Variants in STON1 observed in about 807,000 individuals in gnomAD.
The protein encoded by STON1 is stonin 1.
STON1 carries 79 observed loss-of-function variants against 60.9 expected under a neutral mutation model. The ratio of observed to expected loss-of-function variants is 1.30; its 90% confidence interval spans 1.08 to 1.56. The LOEUF is 1.56. Ranked by LOEUF, STON1 falls within the 40% of genes most tolerant of loss-of-function variation. STON1 has a pLI of 0.00. For missense variants in STON1, 1,166 were observed against 858.9 expected (o/e 1.36, Z -4.47); for synonymous variants, 363 against 306.9 (o/e 1.18, Z -1.91).
At chr2:48,541,699 CAAAA>C (rs71399061) in intron 1 of STON1, among the ~76,000 whole-genome samples, 706 of 60,732 alleles carry the variant, frequency 0.012, 4 homozygotes, top group African/African-American at 0.042. Context: ...AACTTCGTCT[CAAAA>C]AAAAAAAAAA....
At chr2:48,579,331 C>T (rs1371634299) in intron 1 of STON1, among the ~76,000 whole-genome samples, 5 of 148,470 alleles carry the variant, frequency 3.4e-5, no homozygotes, top group South Asian at 2.1e-4. Flanking sequence ...TTTTTTGAGA[C>T]GGAGTCTCAC....
Position 48,533,253 on chromosome 2 carries a change from G to A in STON1, c.-48+3037G>A, listed in dbSNP as rs556478128. 2.3e-4 allele frequency among the ~76,000 whole-genome samples: 35 copies of A among 152,108 alleles called. 1 individual carries two copies. The highest frequency in any genetic ancestry group is 3.7e-4 in the Non-Finnish European group (25 of 67,992). The stretch of plus-strand genomic sequence containing the variant: ...AAAAATTAGGTGGGCATGGTGGCGG[G>A]CACCTATAATCCCACCTACTCGGGA... On this transcript the variant is annotated intron_variant, in intron 1 of 3. Transcript: ENST00000404752.
At chr2:48,536,620 A>C (rs1572921245) in intron 1 of STON1, among the ~76,000 whole-genome samples, 1 of 151,020 alleles carries the variant, frequency 6.6e-6, no homozygotes, top group African/African-American at 2.4e-5. Flanking sequence ...ATTGTTAGCT[A>C]TTATTACTTT....
rs776710168 is a variant in STON1, at chr2:48,580,811, A to T, written c.178A>T (p.Thr60Ser). 5 of 1,548,114 alleles carry T rather than the reference A, an allele frequency of 3.2e-6. No homozygotes were observed. Among genetic ancestry groups the T allele is most frequent in the East Asian group, 2.3e-5 (1 of 43,124 alleles). ...FPSGSSSTSSTPLSSPIVDFY... is the reference protein window; with the variant it reads ...FPSGSSSTSSSPLSSPIVDFY... ...CAGTGGATCTTCCTCCACCAGCAGC[A>T]CTCCTCTCTCCTCCCCCATTGTAGA... Residue 60 changes from threonine to serine, a missense_variant, in exon 2 of 4, where the codon ACT becomes TCT. By Grantham distance (58) the Thr-to-Ser change is moderately conservative. Coordinates refer to ENST00000404752, the MANE Select transcript of STON1 (RefSeq NM_006873.4).
In STON1 at chr2:48,564,668, C is replaced by CTTCTTCTTCTTCTTTCTTAT. The variant is rs1349205310; in HGVS notation, c.-47-15905_-47-15904insTCTTATTTCTTCTTCTTCTT. Among the ~76,000 whole-genome samples, 339 of 136,488 alleles carry CTTCTTCTTCTTCTTTCTTAT rather than the reference C, an allele frequency of 2.5e-3. 22 individuals are homozygous for CTTCTTCTTCTTCTTTCTTAT. The highest frequency in any genetic ancestry group is 9.3e-3 in the African/African-American group (330 of 35,486). The allele number at this position is 136,488 out of a possible 152,430, so 89.5% of individuals were successfully genotyped here. On this transcript the variant is annotated intron_variant, in intron 1 of 3. Transcript: ENST00000404752. ...TCCTTCTTCTTCTTCTTTCTTATTT[C>CTTCTTCTTCTTCTTTCTTAT]TTCTTCTTCTTCTTCCTTCTTTCTT...
chr2:48,550,963 T>C (rs1672077859), intron 1 of STON1, among the ~76,000 whole-genome samples: 1 of 151,992 alleles, frequency 6.6e-6, no homozygotes, highest in African/African-American at 2.4e-5. Context: ...TCTTTTCTTT[T>C]TACTTAAAAA....
intron 3 of STON1, among the ~76,000 whole-genome samples, chr2:48,593,591 A>C (rs1220761832): frequency 1.3e-5 from 2 of 152,218 alleles, no homozygotes; most frequent in African/African-American, 4.8e-5. Context: ...CCTGTTACAC[A>C]GCCCTCAGGA....
At chr2:48,568,298 C>G (rs1297182232) in intron 1 of STON1, among the ~76,000 whole-genome samples, 2 of 152,332 alleles carry the variant, frequency 1.3e-5, no homozygotes, top group South Asian at 2.1e-4. Flanking sequence ...CAGATGCATA[C>G]TGAAGTGGGG....
chr2:48,579,110 T>C (rs1004594425), intron 1 of STON1, among the ~76,000 whole-genome samples: 2 of 152,002 alleles, frequency 1.3e-5, no homozygotes, highest in Non-Finnish European at 2.9e-5. Context: ...CTCAAGCGAT[T>C]TTCCTGCCTC....
At chr2:48,590,273 T>C (rs999291219) in intron 2 of STON1, among the ~76,000 whole-genome samples, 9 of 152,226 alleles carry the variant, frequency 5.9e-5, no homozygotes, top group African/African-American at 2.2e-4. Context: ...CTAATGAGCA[T>C]CTGTTGGTTA....
intron 2 of STON1, among the ~76,000 whole-genome samples, chr2:48,591,223 AAAAT>A (rs1249370391): frequency 1.7e-4 from 26 of 149,900 alleles, no homozygotes; most frequent in Non-Finnish European, 3.3e-4. Flanking sequence ...AATATTGCTT[AAAAT>A]AAATATTTAG....
chr2:48,544,183 T>G (rs1177518491), intron 1 of STON1, among the ~76,000 whole-genome samples: 1 of 146,490 alleles, frequency 6.8e-6, no homozygotes, highest in African/African-American at 2.4e-5. Flanking sequence ...TTCTCTGGAT[T>G]TTGTGTGTGT....
At chr2:48,576,902 A>T (rs1448801894) in intron 1 of STON1, among the ~76,000 whole-genome samples, 1 of 151,018 alleles carries the variant, frequency 6.6e-6, no homozygotes, top group African/African-American at 2.4e-5. Context: ...AAAATACAAA[A>T]AATTAGCCGG....
chr2:48,563,937 G>T (rs936964475), intron 1 of STON1, among the ~76,000 whole-genome samples: 13 of 151,440 alleles, frequency 8.6e-5, no homozygotes, highest in African/African-American at 2.9e-4. Context: ...TGACTCAAGC[G>T]ATCCACCCAC....
chr2:48,595,280 T>C lies in STON1; in HGVS notation c.2186T>C (p.Ile729Thr), dbSNP rs770568145. The C allele has an allele frequency of 1.7e-5, 27 of 1,613,678 alleles. No individual in the cohort carries two copies. The Admixed American group carries it at 2.5e-4, about 15-fold the overall frequency. The change falls in exon 4 of 4, where the codon ATT (isoleucine) becomes ACT (threonine). Residue 729 changes from isoleucine to threonine, a missense_variant. Coordinates refer to ENST00000404752, the MANE Select transcript of STON1 (RefSeq NM_006873.4). ...ATCGATGGAGAAGACCCAGATAAAA[T>C]TGGTGACTGCATAACTCAGTAGGAG... is the stretch of plus-strand genomic sequence containing the variant. ...IKIDGEDPDK[I>T]GDCITQ
intron 1 of STON1, among the ~76,000 whole-genome samples, chr2:48,577,388 C>G (rs1673577278): frequency 6.6e-6 from 1 of 151,912 alleles, no homozygotes; most frequent in South Asian, 2.1e-4. Context: ...TGAGACCAGC[C>G]TGACCAACGT....
At chr2:48,574,750 ATCT>A (rs1050262718) in intron 1 of STON1, among the ~76,000 whole-genome samples, 1 of 152,120 alleles carries the variant, frequency 6.6e-6, no homozygotes, top group Admixed American at 6.6e-5. Context: ...TGGATTTTTA[ATCT>A]TCTCCTCCTG....
In STON1 at chr2:48,555,200, G is replaced by A. The variant is rs1310200914; in HGVS notation, c.-48+24984G>A. On this transcript the variant is annotated intron_variant, in intron 1 of 3. Coordinates refer to ENST00000404752, the MANE Select transcript of STON1 (RefSeq NM_006873.4). ...CTTTCCCGCCTTTCTATTCCACAAA[G>A]CCGCCATTGTCATCCTGGCCCGTTC... is the stretch of plus-strand genomic sequence containing the variant. 2.1e-4 allele frequency among the ~76,000 whole-genome samples: 22 copies of A among 106,282 alleles called. 4 individuals carry two copies. Among genetic ancestry groups the A allele is most frequent in the African/African-American group, 7.0e-4 (20 of 28,386 alleles). The allele number at this position is 106,282 out of a possible 152,430, so 69.7% of individuals were successfully genotyped here.
intron 1 of STON1, among the ~76,000 whole-genome samples, chr2:48,539,769 A>T (rs2103750023): frequency 6.6e-6 from 1 of 152,146 alleles, no homozygotes; most frequent in South Asian, 2.1e-4. Flanking sequence ...CACTGTATAC[A>T]TTTAACCTTA....
Sources: gnomAD v4.1 joint callset for allele counts (sites outside exome capture counted in the v4.1 genomes callset) on GRCh38, gnomAD v4.1.1 for gene constraint, MANE v1.5 for transcripts, NCBI Gene and HGNC (gene_info 2026-07-23, HGNC 2026-07-21) for gene names.